NRG1: variants seen among roughly 807,000 people sequenced by gnomAD.
The protein encoded by NRG1 is neuregulin 1.
A neutral mutation model predicts 63.8 loss-of-function variants in NRG1; 18 were observed. That is an observed-to-expected ratio of 0.28 (90% CI 0.19 to 0.42). The LOEUF is 0.42. Among genes scored for constraint, NRG1 ranks in the 10% least tolerant of loss-of-function variants. The pLI is 1.00. For missense variants in NRG1, 762 were observed against 814.7 expected (o/e 0.94, Z 0.79); for synonymous variants, 302 against 301.3 (o/e 1.00, Z -0.02).
At chr8:32,450,203 T>C (rs1393278365) in intron 1 of NRG1, among the ~76,000 whole-genome samples, 1 of 152,190 alleles carries the variant, frequency 6.6e-6, no homozygotes, top group East Asian at 1.9e-4. Context: ...ATATTTCATC[T>C]CCTTTAATTT....
intron 1 of NRG1, among the ~76,000 whole-genome samples, chr8:31,833,635 T>C (rs1013098666): frequency 1.3e-5 from 2 of 152,204 alleles, no homozygotes; most frequent in South Asian, 4.1e-4. Context: ...AAAGTTACCA[T>C]GTAATAATTG....
At chr8:32,523,963 C>T (rs1830571657) in intron 1 of NRG1, among the ~76,000 whole-genome samples, 1 of 151,878 alleles carries the variant, frequency 6.6e-6, no homozygotes, top group Admixed American at 6.6e-5. Context: ...AATCTCTGAC[C>T]AAAGAACTGG....
chr8:32,098,369 T>C (rs1181204371), intron 1 of NRG1, among the ~76,000 whole-genome samples: 1 of 152,190 alleles, frequency 6.6e-6, no homozygotes, highest in Admixed American at 6.5e-5. Context: ...GTTTTGGTTT[T>C]GTCCTTTGGA....
chr8:32,510,910 CT>C (rs1163578685), intron 1 of NRG1, among the ~76,000 whole-genome samples: 46 of 150,406 alleles, frequency 3.1e-4, no homozygotes, highest in African/African-American at 1.1e-3. Flanking sequence ...GTTCTTTTTC[CT>C]TTTTTCTGTA....
chr8:31,927,823 T>C (rs1834510332), intron 1 of NRG1, among the ~76,000 whole-genome samples: 2 of 151,328 alleles, frequency 1.3e-5, no homozygotes. Flanking sequence ...TTTGTCCTGC[T>C]ATAATCTCAA....
intron 1 of NRG1, among the ~76,000 whole-genome samples, chr8:32,011,470 C>G (rs573053040): frequency 6.6e-6 from 1 of 152,244 alleles, no homozygotes; most frequent in East Asian, 1.9e-4. Flanking sequence ...AGAATGATTA[C>G]AGTACAGATC....
chr8:31,719,548 C>T (rs981635796), intron 1 of NRG1, among the ~76,000 whole-genome samples: 2 of 152,146 alleles, frequency 1.3e-5, no homozygotes, highest in South Asian at 4.1e-4. Context: ...TTGGTCAATT[C>T]TGACATCTTA....
intron 1 of NRG1, among the ~76,000 whole-genome samples, chr8:32,235,002 T>A (rs1437887608): frequency 6.6e-6 from 1 of 152,008 alleles, no homozygotes; most frequent in Non-Finnish European, 1.5e-5. Flanking sequence ...TAGGTTCTAA[T>A]TGAGTATTTT....
intron 1 of NRG1, among the ~76,000 whole-genome samples, chr8:32,052,369 A>T (rs1206054798): frequency 6.9e-6 from 1 of 145,064 alleles, no homozygotes; most frequent in African/African-American, 2.6e-5. Flanking sequence ...TCAAACTCCT[A>T]GGCTCAAGCG....
chr8:31,815,205 A>G (rs1302262564), intron 1 of NRG1, among the ~76,000 whole-genome samples: 1 of 152,108 alleles, frequency 6.6e-6, no homozygotes, highest in East Asian at 1.9e-4. Flanking sequence ...ATCTTACAAA[A>G]CTGAAAAGTT....
chr8:32,534,567 T>A (rs530893802), intron 1 of NRG1, among the ~76,000 whole-genome samples: 1 of 152,158 alleles, frequency 6.6e-6, no homozygotes, highest in Non-Finnish European at 1.5e-5. Context: ...GTCAGGTAAG[T>A]CTAATCAAAT....
chr8:31,855,423 T>A (rs1827750103), intron 1 of NRG1, among the ~76,000 whole-genome samples: 1 of 152,160 alleles, frequency 6.6e-6, no homozygotes, highest in African/African-American at 2.4e-5. Context: ...TATCAGAGAC[T>A]AGGATTGCAA....
intron 1 of NRG1, among the ~76,000 whole-genome samples, chr8:32,040,723 T>TATGAAATTTATGCGC (rs1563713082): frequency 9.4e-6 from 1 of 106,446 alleles, no homozygotes; most frequent in Non-Finnish European, 2.0e-5. Flanking sequence ...TATATATATA[T>TATGAAATTTATGCGC]ATATATATAT....
intron 1 of NRG1, among the ~76,000 whole-genome samples, chr8:31,963,106 C>T (rs993557895): frequency 2.0e-5 from 3 of 152,104 alleles, no homozygotes; most frequent in Non-Finnish European, 1.5e-5. Context: ...TTGTCTTTGT[C>T]GTATTGATTA....
chr8:32,115,445 A>C (rs1365892923), intron 1 of NRG1, among the ~76,000 whole-genome samples: 41 of 152,178 alleles, frequency 2.7e-4, no homozygotes, highest in Non-Finnish European at 1.5e-5. Flanking sequence ...AAATGTTATT[A>C]AGAAAATCAC....
chr8:32,343,152 A>C (rs1586930429), intron 1 of NRG1, among the ~76,000 whole-genome samples: 1 of 152,174 alleles, frequency 6.6e-6, no homozygotes, highest in African/African-American at 2.4e-5. Context: ...AACTATTTTG[A>C]TAGCCTGTTT....
At chr8:32,368,494 G>A (rs1450846358) in intron 1 of NRG1, among the ~76,000 whole-genome samples, 1 of 152,176 alleles carries the variant, frequency 6.6e-6, no homozygotes. Flanking sequence ...TGAGGCAGGA[G>A]CACGCTATGA....
chr8:32,027,755 C>T (rs999151581), intron 1 of NRG1, among the ~76,000 whole-genome samples: 1 of 152,066 alleles, frequency 6.6e-6, no homozygotes, highest in Non-Finnish European at 1.5e-5. Context: ...TCTCTGTCTC[C>T]TAAGATATTT....
chr8:32,403,616 A>G (rs1241513152), intron 1 of NRG1, among the ~76,000 whole-genome samples: 2 of 152,178 alleles, frequency 1.3e-5, no homozygotes, highest in African/African-American at 2.4e-5. Context: ...AGTCTCCTTT[A>G]TACGCTCATG....
Sources: allele counts gnomAD v4.1 joint callset (sites outside exome capture counted in the v4.1 genomes callset), GRCh38; gene constraint gnomAD v4.1.1; transcripts MANE v1.5; gene names NCBI Gene and HGNC (gene_info 2026-07-23, HGNC 2026-07-21).